COL18A1: variants seen among roughly 807,000 people sequenced by gnomAD.
COL18A1 encodes collagen type XVIII alpha 1 chain, also known as collagen alpha-1(XVIII) chain.
COL18A1 carries 133 observed loss-of-function variants against 168.0 expected under a neutral mutation model. That is an observed-to-expected ratio of 0.79 (90% CI 0.69 to 0.91). COL18A1 has a LOEUF of 0.91. Ranked by LOEUF, COL18A1 falls within the 40% of genes least tolerant of loss-of-function variation. COL18A1 has a pLI of 0.00. For missense variants in COL18A1, 2,126 were observed against 1,925.4 expected (o/e 1.10, Z -1.95); for synonymous variants, 949 against 809.0 (o/e 1.17, Z -2.94).
In COL18A1 at chr21:45,479,907, C is replaced by T. The variant is rs368594049; in HGVS notation, c.1254C>T (p.Asp418=). ...GDPGEDGKPG[D]TGPQGFPGTP... ...CCCCGGATGTTGTGTTCCAGGGCGA[C>T]ACCGGGCCACAAGGCTTCCCCGGGA... is the stretch of plus-strand genomic sequence containing the variant. The change falls in exon 10 of 42, where the codon GAC becomes GAT. Residue 418 remains aspartate, a synonymous_variant. Coordinates refer to ENST00000651438, the MANE Select transcript of COL18A1 (RefSeq NM_001379500.1). 296 of 1,613,670 alleles carry T rather than the reference C, an allele frequency of 1.8e-4. 1 individual carries two copies. The African/African-American group carries it at 3.6e-3, about 19-fold the overall frequency.
intron 32 of COL18A1, among the ~76,000 whole-genome samples, chr21:45,500,564 G>C (rs1461100870): frequency 2.3e-5 from 1 of 43,816 alleles, no homozygotes; most frequent in African/African-American, 1.2e-4. Context: ...TGGGTGTGTA[G>C]TGTGGGGGTG....
Position 45,477,427 on chromosome 21 carries a change from C to T in COL18A1, c.945C>T (p.Gly315=). The change falls in exon 7 of 42, where the codon GGC becomes GGT. Residue 315 remains glycine, a synonymous_variant. Transcript: ENST00000651438. The part of the protein sequence containing the change: ...VASLGAQTLP[G]SDSVSTWDGS... ...TCTTCCCAGCTCAGACACTTCCTGG[C>T]TCAGATTCTGTCTCCACGTGGGACG... 6.2e-7 allele frequency: 1 copy of T among 1,613,102 alleles called. No individual in the cohort carries two copies. The highest frequency in any genetic ancestry group is 8.5e-7 in the Non-Finnish European group (1 of 1,179,660).
intron 2 of COL18A1, among the ~76,000 whole-genome samples, chr21:45,452,849 G>T (rs2034662563): frequency 7.4e-6 from 1 of 134,450 alleles, no homozygotes; most frequent in African/African-American, 2.8e-5. Flanking sequence ...AAACATGTAT[G>T]TATGTGTGGG....
chr21:45,505,536 T>C (rs2037147492), intron 36 of COL18A1, 105 bp downstream of exon 36: 4 of 725,698 alleles, frequency 5.5e-6, no homozygotes, highest in East Asian at 2.7e-5. Context: ...CAGGGAGATA[T>C]ACAGGAGGCC....
chr21:45,429,684 G>A (rs894676965), intron 2 of COL18A1, among the ~76,000 whole-genome samples: 1 of 152,210 alleles, frequency 6.6e-6, no homozygotes, highest in African/African-American at 2.4e-5. Flanking sequence ...CTGACTGCGG[G>A]TGACGGACAG....
At position 45,498,393 on chromosome 21, in the gene COL18A1, C is replaced by A; in HGVS notation, c.2683+732C>A. 1 of 665,018 alleles carries A rather than the reference C, an allele frequency of 1.5e-6. No individual in the cohort carries two copies. Among genetic ancestry groups the A allele is most frequent in the Non-Finnish European group, 2.8e-6 (1 of 357,646 alleles). The allele number at this position is 665,018 out of a possible 1,614,324, so 41.2% of individuals were successfully genotyped here. A position where few individuals can be genotyped will look rare whatever the true frequency, so the allele number is the denominator to read the frequency against. ...CACGGTCCCCTCTCGCCGCCAGGGT[C>A]CCCTCTCGCCGCCAGGGTCCCCTCT... On this transcript the variant is annotated intron_variant, in intron 32 of 41. Coordinates refer to ENST00000651438, the MANE Select transcript of COL18A1 (RefSeq NM_001379500.1). This position sits in a 1 kb window ranked among gnomAD's most constrained non-coding sequence, Gnocchi z 4.5.
chr21:45,418,682 A>T (rs60866233), intron 2 of COL18A1, among the ~76,000 whole-genome samples: 1 of 124,766 alleles, frequency 8.0e-6, no homozygotes, highest in Admixed American at 7.5e-5. Flanking sequence ...GGTCTCAGGG[A>T]AGCGGCACCT....
chr21:45,477,827 C>G lies in COL18A1; in HGVS notation c.1083C>G (p.Cys361Trp). 1 of 1,552,574 alleles carries G rather than the reference C, an allele frequency of 6.4e-7. No individual in the cohort carries two copies. The highest frequency in any genetic ancestry group is 8.7e-7 in the Non-Finnish European group (1 of 1,147,940). Residue 361 changes from cysteine to tryptophan, a missense_variant, in exon 8 of 42, where the codon TGC (cysteine) becomes TGG (tryptophan). Cys to Trp is a radical substitution (Grantham distance 215, BLOSUM62 -2). Coordinates refer to ENST00000651438, the MANE Select transcript of COL18A1 (RefSeq NM_001379500.1). ...GGGCAGGCCCCCCAGGATCCCCATG[C>G]CTACCTGGTCCCCCGGGTCTCCCGT... ...PGRAGPPGSP[C>W]LPGPPGLPCP...
chr21:45,467,100 C>T (rs1395260088), intron 2 of COL18A1, among the ~76,000 whole-genome samples: 1 of 152,260 alleles, frequency 6.6e-6, no homozygotes. Flanking sequence ...GCCCCTGGCC[C>T]AGACTGTGGC....
chr21:45,499,319 A>G (rs2036655047), intron 32 of COL18A1, among the ~76,000 whole-genome samples: 1 of 152,260 alleles, frequency 6.6e-6, no homozygotes, highest in Admixed American at 6.5e-5. Flanking sequence ...AGAGATGGGG[A>G]GAGACAACGC....
At chr21:45,475,651 C>T (rs2145916209) in intron 5 of COL18A1, 116 bp downstream of exon 5, 5 of 897,550 alleles carry the variant, frequency 5.6e-6, no homozygotes, top group East Asian at 2.6e-5. Flanking sequence ...CTCTATGCCA[C>T]GAAGACATAT....
At chr21:45,493,365 C>T in intron 25 of COL18A1, 136 bp from the exon 26 acceptor site, 1 of 1,280,594 alleles carries the variant, frequency 7.8e-7, no homozygotes. Context: ...CCTGCTCGGG[C>T]CGTCCCTGTG....
chr21:45,477,682 G>A (rs1265216356), intron 7 of COL18A1, 68 bp from the exon 8 acceptor site: 13 of 1,422,316 alleles, frequency 9.1e-6, no homozygotes, highest in Middle Eastern at 1.8e-4. Flanking sequence ...GGAGGGCGCA[G>A]CGGGACACGT....
At chr21:45,506,203 G>T in intron 37 of COL18A1, 1 of 561,478 alleles carries the variant, frequency 1.8e-6, no homozygotes, top group South Asian at 2.0e-5. Flanking sequence ...CGTGTGAGGG[G>T]CTCCTGGTGG....
At chr21:45,503,078 A>C (rs1194171216) in intron 32 of COL18A1, 1 of 152,198 alleles carries the variant, frequency 6.6e-6, no homozygotes. Flanking sequence ...TCCTTTGTGT[A>C]TATACCCAGT....
chr21:45,476,189 C>T (rs115324473), intron 5 of COL18A1, among the ~76,000 whole-genome samples, 162 bp from the exon 6 acceptor site: 250 of 152,284 alleles, frequency 1.6e-3, no homozygotes, highest in African/African-American at 5.5e-3. Context: ...CTGCGGCCCA[C>T]GGAAGGAAGC....
At chr21:45,407,047 A>G (rs1602320994) in intron 2 of COL18A1, among the ~76,000 whole-genome samples, 1 of 150,736 alleles carries the variant, frequency 6.6e-6, no homozygotes. Context: ...CTGAAGCGGA[A>G]GCAGGCCCAG....
chr21:45,472,052 T>C (rs377472944), intron 3 of COL18A1, among the ~76,000 whole-genome samples: 11 of 152,066 alleles, frequency 7.2e-5, no homozygotes, highest in African/African-American at 2.7e-4. Flanking sequence ...GGGGGCACTC[T>C]CAGGAGAGCG....
At chr21:45,439,781 A>T (rs1305904847) in intron 2 of COL18A1, among the ~76,000 whole-genome samples, 2 of 148,394 alleles carry the variant, frequency 1.3e-5, no homozygotes, top group African/African-American at 2.4e-5. Context: ...CCAAGCACAG[A>T]GCCTGGCCTC....
Sources: allele counts gnomAD v4.1 joint callset (sites outside exome capture counted in the v4.1 genomes callset), GRCh38; gene constraint gnomAD v4.1.1; non-coding constraint Gnocchi (gnomAD v3.1); transcripts MANE v1.5; gene names NCBI Gene and HGNC (gene_info 2026-07-23, HGNC 2026-07-21).